MYOM1: variants seen among roughly 807,000 people sequenced by gnomAD.
The protein encoded by MYOM1 is myomesin-1.
A neutral mutation model predicts 205.3 loss-of-function variants in MYOM1; 164 were observed. The ratio of observed to expected loss-of-function variants is 0.80; its 90% CI spans 0.70 to 0.91. The LOEUF is 0.91. Ranked by LOEUF, MYOM1 falls within the 40% of genes least tolerant of loss-of-function variation. MYOM1 has a pLI of 0.00. For synonymous variants in MYOM1, 772 were observed against 789.4 expected (o/e 0.98, Z 0.37); for missense variants, 2,011 against 2,127.3 (o/e 0.95, Z 1.08).
rs781638129 is a variant in MYOM1 at position 3,079,196 on chromosome 18, AC to A, written c.4630del (p.Val1544TrpfsTer18). On this transcript the variant is annotated frameshift_variant, in exon 34 of 38. Transcript: ENST00000356443. LOFTEE classifies it high-confidence loss of function. ...CTGTTTACCTTGTCCAGAGAGATCC[AC>A]TGTCTTCTGATGTCCAGTTTTGCCA... ...FDGKTGHQKTVDLSGQAYDEA... is the reference protein window; with the variant it reads ...FDGKTGHQKTXDLSGQAYDEA... The A allele has an allele frequency of 1.2e-6, 2 of 1,613,778 alleles. No homozygotes were observed. Among genetic ancestry groups the A allele is most frequent in the Non-Finnish European group, 1.7e-6 (2 of 1,179,834 alleles).
chr18:3,134,557 T>C, intron 16 of MYOM1, 93 bp downstream of exon 16: 2 of 1,324,302 alleles, frequency 1.5e-6, no homozygotes, highest in Non-Finnish European at 2.0e-6. Flanking sequence ...TAAAATTTTT[T>C]AAAAAAATCT....
At chr18:3,129,143 C>T (rs1050393084) in intron 18 of MYOM1, 89 bp downstream of exon 18, 11 of 1,447,494 alleles carry the variant, frequency 7.6e-6, no homozygotes, top group African/African-American at 2.8e-5. Context: ...TTGATGAAAG[C>T]AAACATGGAT....
chr18:3,080,474 G>A (rs1188469751), intron 33 of MYOM1, among the ~76,000 whole-genome samples: 3 of 152,156 alleles, frequency 2.0e-5, no homozygotes, highest in Non-Finnish European at 2.9e-5. Flanking sequence ...AGGAGTTCCA[G>A]ACCAGCCTGG....
chr18:3,237,523 C>T, the MYOM1 span, among the ~76,000 whole-genome samples: 10 of 142,536 alleles, frequency 7.0e-5, no homozygotes, highest in Middle Eastern at 3.9e-3. Flanking sequence ...GGCGTGAACC[C>T]GGGAGGTGGA....
intron 5 of MYOM1, among the ~76,000 whole-genome samples, chr18:3,185,711 T>C (rs1176423463): frequency 1.3e-5 from 2 of 152,208 alleles, no homozygotes; most frequent in African/African-American, 4.8e-5. Flanking sequence ...TTTATAGAAA[T>C]ATGTTTCCAC....
intron 31 of MYOM1, 35 bp downstream of exon 31, chr18:3,085,010 C>T: frequency 1.3e-6 from 2 of 1,502,018 alleles, no homozygotes; most frequent in Non-Finnish European, 1.8e-6. Context: ...TATGCAGAAA[C>T]ACACAAGACA....
upstream of MYOM1, among the ~76,000 whole-genome samples, chr18:3,221,274 T>C (rs536841983): frequency 1.4e-4 from 22 of 152,210 alleles, no homozygotes; most frequent in East Asian, 2.9e-3. Flanking sequence ...CCTGCCTCAG[T>C]CTCACAAAGT....
intron 8 of MYOM1, 116 bp downstream of exon 8, chr18:3,173,822 C>T: frequency 5.4e-6 from 5 of 924,030 alleles, no homozygotes; most frequent in Non-Finnish European, 8.3e-6. Context: ...CTACTACATC[C>T]AACCTAGCAT....
the MYOM1 span, among the ~76,000 whole-genome samples, chr18:3,231,050 G>C: frequency 5.9e-5 from 9 of 152,188 alleles, no homozygotes; most frequent in African/African-American, 2.2e-4. Flanking sequence ...CTCAATGCCT[G>C]CACTACTCAT....
chr18:3,178,471 G>A (rs1488239447), intron 5 of MYOM1, among the ~76,000 whole-genome samples: 9 of 152,150 alleles, frequency 5.9e-5, no homozygotes, highest in African/African-American at 9.7e-5. Flanking sequence ...TTGTGGACAC[G>A]ATCATAAGGA....
intron 14 of MYOM1, among the ~76,000 whole-genome samples, chr18:3,136,332 T>TTAAC (rs1464500895): frequency 6.6e-6 from 1 of 152,232 alleles, no homozygotes; most frequent in South Asian, 2.1e-4. Flanking sequence ...TCTTCCTTTG[T>TTAAC]TAACTAAATA....
chr18:3,079,143 C>G (rs1418642879), intron 34 of MYOM1, 36 bp downstream of exon 34: 1 of 1,604,680 alleles, frequency 6.2e-7, no homozygotes, highest in Non-Finnish European at 8.5e-7. Context: ...GCTCATTCAT[C>G]TAGAGTAAAT....
rs1206088128 is a variant in MYOM1, at chr18:3,072,433, G to A, written c.4709-544C>T. 2.2e-5 allele frequency among the ~76,000 whole-genome samples: 3 copies of A among 135,710 alleles called. No homozygotes were observed. In the East Asian group the frequency reaches 6.8e-4, roughly 31 times the overall value. 89.0% of individuals were successfully genotyped at this position (135,710 alleles called of 152,430 possible). On this transcript the variant is annotated intron_variant, in intron 36 of 37. Transcript: ENST00000356443. ...CAGTGGCGCAATCTCAGCTCACTGC[G>A]ACCTCCGCCTCCCAGGTTCAAGTGA...
chr18:3,196,986 G>T (rs1194957940), intron 2 of MYOM1, among the ~76,000 whole-genome samples: 1 of 152,210 alleles, frequency 6.6e-6, no homozygotes. Flanking sequence ...TCAGGCCCTT[G>T]ATTTGACAGA....
Position 3,094,207 on chromosome 18 carries a change from T to A in MYOM1, c.3827A>T (p.Asn1276Ile). ...AATTTCCTTCTCGTTAAATATGTAGTTGACTTTGGCATTGCCAGACAGTTT... is the reference window on the plus strand; with the variant it reads ...AATTTCCTTCTCGTTAAATATGTAGATGACTTTGGCATTGCCAGACAGTTT... ...AEKLSGNAKV[N>I]YIFNEKEIFE... is the part of the protein sequence containing the mutation. The change falls in exon 26 of 38, where the codon AAC (asparagine) becomes ATC (isoleucine). Residue 1276 changes from asparagine (N) to isoleucine (I), a missense_variant. Asn to Ile is a moderately radical substitution (Grantham distance 149). Transcript: ENST00000356443. 4 of 1,614,038 alleles carry A rather than the reference T, an allele frequency of 2.5e-6. No homozygotes were observed. Among genetic ancestry groups the A allele is most frequent in the Non-Finnish European group, 2.5e-6 (3 of 1,179,876 alleles).
Position 3,067,067 on chromosome 18 carries a change from C to T in MYOM1, c.*195G>A, listed in dbSNP as rs908863097. The T allele has an allele frequency of 1.8e-5, 11 of 612,398 alleles. No individual in the cohort carries two copies. Among genetic ancestry groups the T allele is most frequent in the Admixed American group, 9.0e-5 (3 of 33,328 alleles). The allele number at this position is 612,398 out of a possible 1,614,324, so 37.9% of individuals were successfully genotyped here. ...TGCTATGAATGGTATTTTCTTAACA[C>T]ATAATTTTGTAGATAAAGAAAAACA... On this transcript the variant is annotated 3_prime_UTR_variant, in exon 38 of 38. Coordinates refer to ENST00000356443, the MANE Select transcript of MYOM1 (RefSeq NM_003803.4).
chr18:3,079,409 T>C (rs2079059244), intron 33 of MYOM1, 67 bp from the exon 34 acceptor site: 1 of 1,475,094 alleles, frequency 6.8e-7, no homozygotes, highest in East Asian at 2.3e-5. Flanking sequence ...ACTTTGTCTC[T>C]CATTGAAGCT....
rs766999180 is a variant in MYOM1, at chr18:3,149,199, G to A, written c.1846C>T (p.Arg616Cys). 1.4e-5 allele frequency: 22 copies of A among 1,611,252 alleles called. No individual in the cohort carries two copies. The highest frequency in any genetic ancestry group is 3.3e-5 in the South Asian group (3 of 90,386). The change falls in exon 13 of 38, where the codon CGC (arginine) becomes TGC (cysteine). Residue 616 changes from arginine (R) to cysteine (C), a missense_variant and splice_region_variant. Arg to Cys is a radical substitution (Grantham distance 180, BLOSUM62 -3). Coordinates refer to ENST00000356443, the MANE Select transcript of MYOM1 (RefSeq NM_003803.4). ...TGTCCAGTCCAGGGTGCTGAGGGGCGACCTGAATAAAGACAAATATAAGAA... is the reference window on the plus strand; with the variant it reads ...TGTCCAGTCCAGGGTGCTGAGGGGCAACCTGAATAAAGACAAATATAAGAA... ...DPAEKARLKS[R>C]PSAPWTGQII...
chr18:3,076,198 G>A (rs759123663), intron 34 of MYOM1, among the ~76,000 whole-genome samples: 2 of 151,970 alleles, frequency 1.3e-5, no homozygotes, highest in Non-Finnish European at 2.9e-5. Flanking sequence ...AAGTAGCTGG[G>A]GCCACTCAAG....
Sources: gnomAD v4.1 joint callset for allele counts (sites outside exome capture counted in the v4.1 genomes callset) on GRCh38, gnomAD v4.1.1 for gene constraint, MANE v1.5 for transcripts, NCBI Gene and HGNC (gene_info 2026-07-23, HGNC 2026-07-21) for gene names.